Variants in BICD1 observed in about 807,000 individuals in gnomAD.
BICD1 encodes BICD cargo adaptor 1.
Under a neutral mutation model 92.5 loss-of-function variants are expected in BICD1, and 35 were observed. The observed-to-expected ratio is 0.38, with a 90% confidence interval of 0.29 to 0.50. BICD1 has a LOEUF of 0.50. BICD1 is among the 20% of genes least tolerant of loss of function. The pLI, the probability that BICD1 is intolerant of heterozygous loss-of-function variation, is 0.93. For missense variants in BICD1, 950 were observed against 1,189.8 expected (o/e 0.80, Z 2.97); for synonymous variants, 429 against 465.1 (o/e 0.92, Z 1.00).
chr12:32,149,118 G>A (rs1219307606), intron 1 of BICD1, among the ~76,000 whole-genome samples: 3 of 152,008 alleles, frequency 2.0e-5, no homozygotes, highest in Non-Finnish European at 4.4e-5. Context: ...CATTGTTCCT[G>A]TACTGCACTG....
At position 32,339,173 on chromosome 12, in the gene BICD1, G is replaced by A. The variant is rs1368721607; in HGVS notation, c.2764+194G>A. 3.1e-6 allele frequency: 4 copies of A among 1,304,156 alleles called. No individual in the cohort carries two copies. The South Asian group carries it at 7.2e-5, about 23-fold the overall frequency. The allele number at this position is 1,304,156 out of a possible 1,614,324, so 80.8% of individuals were successfully genotyped here. On this transcript the variant is annotated intron_variant, in intron 8 of 9. Transcript: ENST00000652176. Reference sequence around the variant, plus strand: ...TTCACTCATATTCCTTAGAATGACAGACTTCCATTTAACAGCCAAAGATGG... The same window carrying A: ...TTCACTCATATTCCTTAGAATGACAAACTTCCATTTAACAGCCAAAGATGG...
In BICD1 at chr12:32,204,155, C is replaced by G. The variant is rs140299562; in HGVS notation, c.214-12092C>G. On this transcript the variant is annotated intron_variant, in intron 1 of 9. Coordinates refer to ENST00000652176, the MANE Select transcript of BICD1 (RefSeq NM_001714.4). ...CTTGAGCCCAGGAGTTTGAGGCCAG[C>G]CTGGGCAACATGGTGAAACCCCATC... 5.1e-3 allele frequency among the ~76,000 whole-genome samples: 738 copies of G among 145,666 alleles called. 7 individuals are homozygous for G. The highest frequency in any genetic ancestry group is 0.018 in the African/African-American group (701 of 39,032).
chr12:32,362,426 C>G (rs1019721518), intron 8 of BICD1, among the ~76,000 whole-genome samples: 1 of 152,162 alleles, frequency 6.6e-6, no homozygotes, highest in Non-Finnish European at 1.5e-5. Context: ...ATAATAGAAG[C>G]CCGAGAGAAA....
At chr12:32,321,691 C>T (rs1948661459) in intron 4 of BICD1, among the ~76,000 whole-genome samples, 1 of 152,160 alleles carries the variant, frequency 6.6e-6, no homozygotes, top group African/African-American at 2.4e-5. Context: ...TTTATTCATT[C>T]AGAGCACTAA....
At chr12:32,305,567 C>A in intron 3 of BICD1, 130 bp from the exon 4 acceptor site, 1 of 751,808 alleles carries the variant, frequency 1.3e-6, no homozygotes, top group Non-Finnish European at 2.1e-6. Flanking sequence ...ATATTGTGTG[C>A]TTTTTATTAT....
chr12:32,267,800 C>G (rs572627504), intron 2 of BICD1, among the ~76,000 whole-genome samples: 5 of 152,000 alleles, frequency 3.3e-5, no homozygotes, highest in African/African-American at 9.7e-5. Context: ...TCTGACTATC[C>G]TTTTTAAAAT....
At chr12:32,296,358 A>G (rs1239578) in intron 3 of BICD1, among the ~76,000 whole-genome samples, 51,548 of 148,932 alleles carry the variant, frequency 0.35, 9,341 homozygotes, top group Non-Finnish European at 0.42. Flanking sequence ...CCTGGGTTCA[A>G]GCGATTCTCC....
intron 2 of BICD1, among the ~76,000 whole-genome samples, chr12:32,285,950 G>T (rs754812490): frequency 6.6e-6 from 1 of 152,070 alleles, no homozygotes; most frequent in African/African-American, 2.4e-5. Context: ...GAATATAATC[G>T]CTGGCAATTC....
chr12:32,263,825 C>T (rs953238900), intron 2 of BICD1, among the ~76,000 whole-genome samples: 5 of 152,216 alleles, frequency 3.3e-5, no homozygotes, highest in East Asian at 3.9e-4. Flanking sequence ...TTTCTTGAAG[C>T]GAGGGATTGT....
At chr12:32,142,420 AAAAAAAAAAAAC>A (rs1314575163) in intron 1 of BICD1, among the ~76,000 whole-genome samples, 3,390 of 38,012 alleles carry the variant, frequency 0.089, 218 homozygotes, top group African/African-American at 0.26. Flanking sequence ...AAAAAAAAAA[AAAAAAAAAAAAC>A]AAAAAACCCC....
chr12:32,335,936 G>A (rs746651683), intron 6 of BICD1, among the ~76,000 whole-genome samples: 1 of 151,912 alleles, frequency 6.6e-6, no homozygotes, highest in Non-Finnish European at 1.5e-5. Flanking sequence ...CAAAATTCAC[G>A]AATAATTACT....
intron 8 of BICD1, among the ~76,000 whole-genome samples, chr12:32,346,525 T>A (rs1239396126): frequency 9.7e-6 from 1 of 103,618 alleles, no homozygotes; most frequent in Admixed American, 1.1e-4. Flanking sequence ...AAAAAAAATA[T>A]ATATATACGT....
At chr12:32,335,467 A>G (rs1343083850) in intron 6 of BICD1, among the ~76,000 whole-genome samples, 1 of 152,068 alleles carries the variant, frequency 6.6e-6, no homozygotes, top group Non-Finnish European at 1.5e-5. Context: ...GTGTTTAAAC[A>G]TGAAGTGATT....
intron 1 of BICD1, among the ~76,000 whole-genome samples, chr12:32,148,892 C>A (rs867213008): frequency 6.6e-6 from 1 of 151,900 alleles, no homozygotes; most frequent in African/African-American, 2.4e-5. Flanking sequence ...TGGTGGTGCA[C>A]ACCTGTATTC....
intron 2 of BICD1, among the ~76,000 whole-genome samples, chr12:32,262,525 C>T (rs1946884947): frequency 6.6e-6 from 1 of 152,212 alleles, no homozygotes; most frequent in Non-Finnish European, 1.5e-5. Flanking sequence ...GAGCTCCACA[C>T]ATACTAACCC....
Position 32,337,915 on chromosome 12 carries a change from G to T in BICD1, c.2570+99G>T. 7.2e-7 allele frequency: 1 copy of T among 1,386,756 alleles called. No individual in the cohort carries two copies. The highest frequency in any genetic ancestry group is 1.3e-5 in the South Asian group (1 of 78,362). 85.9% of individuals were successfully genotyped at this position (1,386,756 alleles called of 1,614,324 possible). ...TGTTGTGGAGGATGGAGGAGGGGAA[G>T]CAAAAGAAAAAATGGGAGCTGGCAT... On this transcript the variant is annotated intron_variant, in intron 7 of 9. Coordinates refer to ENST00000652176, the MANE Select transcript of BICD1 (RefSeq NM_001714.4). The surrounding 1 kb of genome is among the most constrained non-coding windows in gnomAD (Gnocchi z 4.7).
At chr12:32,215,919 C>A (rs1310458337) in intron 1 of BICD1, among the ~76,000 whole-genome samples, 22 of 141,336 alleles carry the variant, frequency 1.6e-4, no homozygotes, top group African/African-American at 2.9e-4. Flanking sequence ...GCACCACTGC[C>A]CTCCAGCCTG....
chr12:32,348,366 A>G (rs1170073397), intron 8 of BICD1, among the ~76,000 whole-genome samples: 1 of 152,096 alleles, frequency 6.6e-6, no homozygotes, highest in Non-Finnish European at 1.5e-5. Flanking sequence ...AGTCTTTTAG[A>G]TTTTGTTAAA....
chr12:32,255,008 A>T (rs1946677805), intron 2 of BICD1, among the ~76,000 whole-genome samples: 1 of 152,130 alleles, frequency 6.6e-6, no homozygotes, highest in Non-Finnish European at 1.5e-5. Context: ...ATCACAGACC[A>T]GGTGGCCCAA....
Sources: allele counts gnomAD v4.1 joint callset (sites outside exome capture counted in the v4.1 genomes callset), GRCh38; gene constraint gnomAD v4.1.1; non-coding constraint Gnocchi (gnomAD v3.1); transcripts MANE v1.5; gene names NCBI Gene and HGNC (gene_info 2026-07-23, HGNC 2026-07-21).